SLN: variants seen among roughly 807,000 people sequenced by gnomAD.
The protein encoded by SLN is sarcolipin.
For synonymous variants in SLN, 19 were observed against 14.4 expected (o/e 1.32, Z -0.72); for missense variants, 34 against 37.4 (o/e 0.91, Z 0.24).
chr11:107,711,739 A>G (rs1007260579), intron 1 of SLN, among the ~76,000 whole-genome samples: 1 of 152,202 alleles, frequency 6.6e-6, no homozygotes, highest in African/African-American at 2.4e-5. Flanking sequence ...TAATACAAGA[A>G]AGAAAAAAAA....
chr11:107,708,127 G>T (rs1867175269), intron 1 of SLN, 122 bp from the exon 2 acceptor site: 2 of 587,076 alleles, frequency 3.4e-6, no homozygotes, highest in Non-Finnish European at 6.1e-6. Context: ...GGGCTAAATT[G>T]TGTCCCCCAA....
At chr11:107,708,939 A>C (rs1867182547) in intron 1 of SLN, among the ~76,000 whole-genome samples, 1 of 152,186 alleles carries the variant, frequency 6.6e-6, no homozygotes, top group South Asian at 2.1e-4. Flanking sequence ...ATGGCCTCTG[A>C]CAAGTCCTGC....
chr11:107,707,536 A>G lies in SLN; in HGVS notation c.*299T>C. The G allele has an allele frequency of 3.2e-6, 1 of 317,042 alleles. No homozygotes were observed. Among genetic ancestry groups the G allele is most frequent in the East Asian group, 6.3e-5 (1 of 15,892 alleles). The allele number at this position is 317,042 out of a possible 1,614,324, so 19.6% of individuals were successfully genotyped here. A position where few individuals can be genotyped will look rare whatever the true frequency, so the allele number is the denominator to read the frequency against. On this transcript the variant is annotated 3_prime_UTR_variant, in exon 2 of 2. Coordinates refer to ENST00000305991, the MANE Select transcript of SLN (RefSeq NM_003063.3). Reference sequence around the variant, plus strand: ...CAGATCAGGGGCTTGTAACAATCCTACATCATCATGAATCCAGTTTAATTT... The same window carrying G: ...CAGATCAGGGGCTTGTAACAATCCTGCATCATCATGAATCCAGTTTAATTT...
chr11:107,708,190 T>C (rs1305400411), intron 1 of SLN, among the ~76,000 whole-genome samples, 185 bp from the exon 2 acceptor site: 1 of 152,110 alleles, frequency 6.6e-6, no homozygotes, highest in Non-Finnish European at 1.5e-5. Flanking sequence ...TGACTGTGTT[T>C]GAAGATAGGG....
At chr11:107,708,888 A>G (rs913954320) in intron 1 of SLN, among the ~76,000 whole-genome samples, 2 of 152,188 alleles carry the variant, frequency 1.3e-5, no homozygotes, top group Non-Finnish European at 2.9e-5. Flanking sequence ...GTAGGTCTTC[A>G]TCTAACTCTA....
At position 107,707,970 on chromosome 11, in the gene SLN, A is replaced by G; in HGVS notation, c.-40T>C. 1 of 1,459,316 alleles carries G rather than the reference A, an allele frequency of 6.9e-7. No individual in the cohort carries two copies. Among genetic ancestry groups the G allele is most frequent in the African/African-American group, 1.4e-5 (1 of 71,886 alleles). The allele number at this position is 1,459,316 out of a possible 1,614,324, so 90.4% of individuals were successfully genotyped here. On this transcript the variant is annotated 5_prime_UTR_variant, in exon 2 of 2. Transcript: ENST00000305991. ...GGTGAGAACTGCAGGCAGATTTCTGAGGGCACACCAAGGACCTCTGGCTTC... is the reference window on the plus strand; with the variant it reads ...GGTGAGAACTGCAGGCAGATTTCTGGGGGCACACCAAGGACCTCTGGCTTC...
chr11:107,710,836 ATCAACAGCAG>A (rs1485513178), intron 1 of SLN, among the ~76,000 whole-genome samples: 2 of 152,380 alleles, frequency 1.3e-5, no homozygotes. Context: ...TCAAATGTTT[ATCAACAGCAG>A]AATGGATGAT....
intron 1 of SLN, among the ~76,000 whole-genome samples, chr11:107,710,586 G>A (rs890327851): frequency 6.6e-6 from 1 of 152,182 alleles, no homozygotes; most frequent in Non-Finnish European, 1.5e-5. Flanking sequence ...AGAATTCCTA[G>A]GAGTTATGAC....
Position 107,707,736 on chromosome 11 carries a change from A to C in SLN, c.*99T>G. ...GCAGGTCACAGGTGCCCTCGGATGGAGAATGGCATCCTGTGACAATGACAG... is the reference window on the plus strand; with the variant it reads ...GCAGGTCACAGGTGCCCTCGGATGGCGAATGGCATCCTGTGACAATGACAG... On this transcript the variant is annotated 3_prime_UTR_variant, in exon 2 of 2. Transcript: ENST00000305991. 1.2e-6 allele frequency: 1 copy of C among 847,554 alleles called. No individual in the cohort carries two copies. The highest frequency in any genetic ancestry group is 1.4e-5 in the South Asian group (1 of 71,546). The allele number at this position is 847,554 out of a possible 1,614,324, so 52.5% of individuals were successfully genotyped here.
Position 107,707,715 on chromosome 11 carries a change from G to A in SLN, c.*120C>T. 3 of 723,540 alleles carry A rather than the reference G, an allele frequency of 4.1e-6. No homozygotes were observed. The highest frequency in any genetic ancestry group is 3.2e-5 in the South Asian group (2 of 62,890). 44.8% of individuals were successfully genotyped at this position (723,540 alleles called of 1,614,324 possible). Reference sequence around the variant, plus strand: ...AGCATAGCAGATATTGTGAGTGCAGGTCACAGGTGCCCTCGGATGGAGAAT... The same window carrying A: ...AGCATAGCAGATATTGTGAGTGCAGATCACAGGTGCCCTCGGATGGAGAAT... On this transcript the variant is annotated 3_prime_UTR_variant, in exon 2 of 2. Coordinates refer to ENST00000305991, the MANE Select transcript of SLN (RefSeq NM_003063.3).
Position 107,707,697 on chromosome 11 carries a change from C to T in SLN, c.*138G>A. 1 of 655,456 alleles carries T rather than the reference C, an allele frequency of 1.5e-6. No homozygotes were observed. The highest frequency in any genetic ancestry group is 2.6e-5 in the East Asian group (1 of 38,624). The allele number at this position is 655,456 out of a possible 1,614,324, so 40.6% of individuals were successfully genotyped here. A position where few individuals can be genotyped will look rare whatever the true frequency, so the allele number is the denominator to read the frequency against. Reference sequence around the variant, plus strand: ...AATCAATCCTAGCACTACAGCATAGCAGATATTGTGAGTGCAGGTCACAGG... The same window carrying T: ...AATCAATCCTAGCACTACAGCATAGTAGATATTGTGAGTGCAGGTCACAGG... On this transcript the variant is annotated 3_prime_UTR_variant, in exon 2 of 2. Coordinates refer to ENST00000305991, the MANE Select transcript of SLN (RefSeq NM_003063.3).
chr11:107,709,652 G>A (rs1018895046), intron 1 of SLN, among the ~76,000 whole-genome samples: 8 of 152,116 alleles, frequency 5.3e-5, no homozygotes, highest in Non-Finnish European at 8.8e-5. Context: ...TTTAAGACCA[G>A]CTTAGGCAAC....
In SLN at chr11:107,707,534, C is replaced by A; in HGVS notation, c.*301G>T. On this transcript the variant is annotated 3_prime_UTR_variant, in exon 2 of 2. Coordinates refer to ENST00000305991, the MANE Select transcript of SLN (RefSeq NM_003063.3). The stretch of plus-strand genomic sequence containing the variant: ...GACAGATCAGGGGCTTGTAACAATC[C>A]TACATCATCATGAATCCAGTTTAAT... The A allele has an allele frequency of 3.2e-6, 1 of 312,574 alleles. No individual in the cohort carries two copies. Among genetic ancestry groups the A allele is most frequent in the Non-Finnish European group, 6.0e-6 (1 of 166,976 alleles). 19.4% of individuals were successfully genotyped at this position (312,574 alleles called of 1,614,324 possible).
Position 107,708,016 on chromosome 11 carries a change from A to G in SLN, c.-75-11T>C, listed in dbSNP as rs1187007358. The G allele has an allele frequency of 8.0e-6, 7 of 870,346 alleles. No individual in the cohort carries two copies. The highest frequency in any genetic ancestry group is 1.4e-5 in the Non-Finnish European group (7 of 506,852). The allele number at this position is 870,346 out of a possible 1,614,324, so 53.9% of individuals were successfully genotyped here. ...GCTTCTCCTCACCTCCTGATAAAACATAACAAAGAAAACACAAGGAGATTA... is the reference window on the plus strand; with the variant it reads ...GCTTCTCCTCACCTCCTGATAAAACGTAACAAAGAAAACACAAGGAGATTA... On this transcript the variant is annotated splice_polypyrimidine_tract_variant and intron_variant, in intron 1 of 1. Coordinates refer to ENST00000305991, the MANE Select transcript of SLN (RefSeq NM_003063.3).
Position 107,707,685 on chromosome 11 carries a change from A to G in SLN, c.*150T>C. ...TGGAGAACACATAATCAATCCTAGCACTACAGCATAGCAGATATTGTGAGT... is the reference window on the plus strand; with the variant it reads ...TGGAGAACACATAATCAATCCTAGCGCTACAGCATAGCAGATATTGTGAGT... On this transcript the variant is annotated 3_prime_UTR_variant, in exon 2 of 2. Coordinates refer to ENST00000305991, the MANE Select transcript of SLN (RefSeq NM_003063.3). 1 of 607,938 alleles carries G rather than the reference A, an allele frequency of 1.6e-6. No individual in the cohort carries two copies. The highest frequency in any genetic ancestry group is 3.0e-6 in the Non-Finnish European group (1 of 338,840). 37.7% of individuals were successfully genotyped at this position (607,938 alleles called of 1,614,324 possible).
At chr11:107,710,849 T>C (rs1438177194) in intron 1 of SLN, among the ~76,000 whole-genome samples, 1 of 152,180 alleles carries the variant, frequency 6.6e-6, no homozygotes, top group Non-Finnish European at 1.5e-5. Context: ...AACAGCAGAA[T>C]GGATGATAAA....
chr11:107,711,323 A>T (rs1001456574), intron 1 of SLN, among the ~76,000 whole-genome samples: 1 of 151,946 alleles, frequency 6.6e-6, no homozygotes, highest in African/African-American at 2.4e-5. Context: ...TACTTCTTGC[A>T]CTTTAATGGT....
intron 1 of SLN, among the ~76,000 whole-genome samples, chr11:107,708,402 C>T (rs900763630): frequency 6.6e-6 from 1 of 152,074 alleles, no homozygotes; most frequent in Non-Finnish European, 1.5e-5. Context: ...TGATCTGGGA[C>T]ATGTAGCCTC....
chr11:107,708,506 C>A (rs909779608), intron 1 of SLN, among the ~76,000 whole-genome samples: 1 of 152,060 alleles, frequency 6.6e-6, no homozygotes, highest in African/African-American at 2.4e-5. Flanking sequence ...ATCGCACAAG[C>A]CAATTCCTTA....
Sources: gnomAD v4.1 joint callset for allele counts (sites outside exome capture counted in the v4.1 genomes callset) on GRCh38, gnomAD v4.1.1 for gene constraint, MANE v1.5 for transcripts, NCBI Gene and HGNC (gene_info 2026-07-23, HGNC 2026-07-21) for gene names.